CYB561D2: variants seen among roughly 807,000 people sequenced by gnomAD.
CYB561D2 encodes the protein transmembrane reductase CYB561D2.
A neutral mutation model predicts 20.2 loss-of-function variants in CYB561D2; 16 were observed. The ratio of observed to expected loss-of-function variants is 0.79; its 90% confidence interval spans 0.53 to 1.20. The LOEUF (loss-of-function observed/expected upper bound fraction) is 1.20, where lower values mean the gene tolerates loss of function less well. Ranked by LOEUF, CYB561D2 falls within the 50% of genes most tolerant of loss-of-function variation. The pLI, the probability that CYB561D2 is intolerant of heterozygous loss-of-function variation, is 0.00. For missense variants in CYB561D2, 247 were observed against 270.3 expected (o/e 0.91, Z 0.60); for synonymous variants, 135 against 128.3 (o/e 1.05, Z -0.35).
chr3:50,353,746 C>A lies in CYB561D2; in HGVS notation c.*2C>A. 6.3e-7 allele frequency: 1 copy of A among 1,586,084 alleles called. No individual in the cohort carries two copies. The highest frequency in any genetic ancestry group is 1.1e-5 in the South Asian group (1 of 88,550). On this transcript the variant is annotated 3_prime_UTR_variant, in exon 4 of 4. Coordinates refer to ENST00000425346, the MANE Select transcript of CYB561D2 (RefSeq NM_001291284.2). ...TACCGCAAGAGGATCCAACCATGAG[C>A]TCTTCCCAGCCTAGGGGAAGCCTGG...
At chr3:50,352,420 C>T (rs186013642) in intron 3 of CYB561D2, among the ~76,000 whole-genome samples, 1 of 150,156 alleles carries the variant, frequency 6.7e-6, no homozygotes, top group East Asian at 2.0e-4. Flanking sequence ...ACGGAGGTTG[C>T]AGTGAGCCAA....
rs1346535886 is a variant in CYB561D2, at chr3:50,353,725, G to C, written c.650G>C (p.Arg217Pro). 6.2e-7 allele frequency: 1 copy of C among 1,601,860 alleles called. No homozygotes were observed. The highest frequency in any genetic ancestry group is 8.5e-7 in the Non-Finnish European group (1 of 1,172,344). The stretch of plus-strand genomic sequence containing the variant: ...CAGGTGAGCAATGCCTACCTATACC[G>C]CAAGAGGATCCAACCATGAGCTCTT... ...MNQVSNAYLYRKRIQP is the reference protein window; with the variant it reads ...MNQVSNAYLYPKRIQP Residue 217 changes from arginine (R) to proline (P), a missense_variant, in exon 4 of 4, where the codon CGC becomes CCC. Physicochemically the swap from Arg to Pro is moderately radical, Grantham distance 103. Transcript: ENST00000425346.
chr3:50,353,011 C>T (rs993374625), intron 3 of CYB561D2, among the ~76,000 whole-genome samples: 7 of 152,220 alleles, frequency 4.6e-5, no homozygotes, highest in Non-Finnish European at 7.3e-5. Flanking sequence ...CGACAGATGA[C>T]ATTTCAGACT....
At chr3:50,351,383 C>A in intron 1 of CYB561D2, 26 bp from the exon 2 acceptor site, 12 of 1,592,758 alleles carry the variant, frequency 7.5e-6, no homozygotes, top group Non-Finnish European at 1.0e-5. Context: ...CACCTGAGAT[C>A]CTGGCCCACG....
At position 50,351,436 on chromosome 3, in the gene CYB561D2, G is replaced by GGC. The variant is rs765010307; in HGVS notation, c.4_5dup (p.Leu3ProfsTer58). On this transcript the variant is annotated frameshift_variant, in exon 2 of 4. Coordinates refer to ENST00000425346, the MANE Select transcript of CYB561D2 (RefSeq NM_001291284.2). LOFTEE classifies it high-confidence loss of function. Reference sequence around the variant, plus strand: ...TACAACCACTAGCACGGCTGACGATGGCCCTTTCTGCGGAGACCGAGTCAC... The same window carrying GGC: ...TACAACCACTAGCACGGCTGACGATGGCGCCCTTTCTGCGGAGACCGAGTCAC... 4.3e-6 allele frequency: 7 copies of GGC among 1,613,368 alleles called. No homozygotes were observed. The South Asian group carries it at 7.7e-5, about 18-fold the overall frequency.
chr3:50,353,749 T>C lies in CYB561D2; in HGVS notation c.*5T>C. ...CGCAAGAGGATCCAACCATGAGCTCTTCCCAGCCTAGGGGAAGCCTGGATT... is the reference window on the plus strand; with the variant it reads ...CGCAAGAGGATCCAACCATGAGCTCCTCCCAGCCTAGGGGAAGCCTGGATT... On this transcript the variant is annotated 3_prime_UTR_variant, in exon 4 of 4. Transcript: ENST00000425346. The C allele has an allele frequency of 6.3e-7, 1 of 1,582,014 alleles. No homozygotes were observed.
rs1437184161 is a variant in CYB561D2, at chr3:50,350,911, C to A, written c.-99C>A. 21 of 1,391,364 alleles carry A rather than the reference C, an allele frequency of 1.5e-5. No individual in the cohort carries two copies. Among genetic ancestry groups the A allele is most frequent in the Admixed American group, 3.5e-5 (1 of 28,892 alleles). The allele number at this position is 1,391,364 out of a possible 1,614,324, so 86.2% of individuals were successfully genotyped here. On this transcript the variant is annotated 5_prime_UTR_variant, in exon 1 of 4. Coordinates refer to ENST00000425346, the MANE Select transcript of CYB561D2 (RefSeq NM_001291284.2). This position sits in a 1 kb window ranked among gnomAD's most constrained non-coding sequence, Gnocchi z 5.7. ...GGCTCCGTGACGGAGCGGCGGTGCG[C>A]GCGGCAGGGCCCGGAGTATCCCGCT...
intron 2 of CYB561D2, 21 bp downstream of exon 2, chr3:50,351,581 A>G: frequency 6.2e-7 from 1 of 1,603,228 alleles, no homozygotes; most frequent in Non-Finnish European, 8.5e-7. Context: ...TTCATAGCTG[A>G]CTTCTGGGAA....
intron 1 of CYB561D2, 42 bp from the exon 2 acceptor site, chr3:50,351,367 A>T: frequency 2.5e-6 from 4 of 1,579,306 alleles, no homozygotes; most frequent in Non-Finnish European, 3.5e-6. Context: ...AGGAGTGAAC[A>T]GTGGGCACCT....
intron 3 of CYB561D2, 28 bp downstream of exon 3, chr3:50,352,074 G>A: frequency 6.2e-7 from 1 of 1,613,720 alleles, no homozygotes; most frequent in African/African-American, 1.3e-5. Context: ...GCAGTTCTTA[G>A]GGGTGGGAGC....
chr3:50,351,954 G>A, intron 2 of CYB561D2, 55 bp from the exon 3 acceptor site: 2 of 1,603,934 alleles, frequency 1.2e-6, no homozygotes, highest in Non-Finnish European at 1.7e-6. Flanking sequence ...TTAAGGATTG[G>A]TATGGCTGGT....
chr3:50,351,951 T>A, intron 2 of CYB561D2, 58 bp from the exon 3 acceptor site: 1 of 1,601,140 alleles, frequency 6.2e-7, no homozygotes, highest in Non-Finnish European at 8.6e-7. Context: ...CCCTTAAGGA[T>A]TGGTATGGCT....
Position 50,353,499 on chromosome 3 carries a change from C to T in CYB561D2, c.424C>T (p.Leu142Phe). 6.2e-7 allele frequency: 1 copy of T among 1,613,474 alleles called. No homozygotes were observed. Among genetic ancestry groups the T allele is most frequent in the Non-Finnish European group, 8.5e-7 (1 of 1,180,028 alleles). The change falls in exon 4 of 4, where the codon CTC becomes TTC. Residue 142 changes from leucine (L) to phenylalanine (F), a missense_variant. Coordinates refer to ENST00000425346, the MANE Select transcript of CYB561D2 (RefSeq NM_001291284.2). ...GCAGTGCTCAGGTGGGGTGGGGCTGCTCTACCCCAAGCTGCTGCCCCGATG... is the reference window on the plus strand; with the variant it reads ...GCAGTGCTCAGGTGGGGTGGGGCTGTTCTACCCCAAGCTGCTGCCCCGATG... ...GLQCSGGVGL[L>F]YPKLLPRWPL...
In CYB561D2 at chr3:50,353,263, C is replaced by T; in HGVS notation, c.188C>T (p.Ala63Val). ...CAGTTCTCCTTCCTGATGACCGAGG[C>T]ACTACTGGTGTTTTCTCCTGAGAGT... ...SLAFSFLMTE[A>V]LLVFSPESSL... The change falls in exon 4 of 4, where the codon GCA (alanine) becomes GTA (valine). Residue 63 changes from alanine (A) to valine (V), a missense_variant. By Grantham distance (64) the Ala-to-Val change is moderately conservative (BLOSUM62 0). Transcript: ENST00000425346. The T allele has an allele frequency of 1.9e-6, 3 of 1,573,858 alleles. No individual in the cohort carries two copies. The highest frequency in any genetic ancestry group is 2.6e-6 in the Non-Finnish European group (3 of 1,153,370).
Position 50,353,785 on chromosome 3 carries a change from TG to T in CYB561D2, c.*42del. On this transcript the variant is annotated 3_prime_UTR_variant, in exon 4 of 4. Transcript: ENST00000425346. The stretch of plus-strand genomic sequence containing the variant: ...GGGGAAGCCTGGATTTGCCCCTCCA[TG>T]TAGGAGCTGGGCCTAGGGACCTGTT... 2 of 1,550,098 alleles carry T rather than the reference TG, an allele frequency of 1.3e-6. No individual in the cohort carries two copies. The highest frequency in any genetic ancestry group is 4.5e-5 in the East Asian group (2 of 44,156).
At chr3:50,351,658 G>C in intron 2 of CYB561D2, 98 bp downstream of exon 2, 1 of 1,508,518 alleles carries the variant, frequency 6.6e-7, no homozygotes, top group Non-Finnish European at 8.9e-7. Context: ...GGCTGGTTGA[G>C]GGAATTCTGT....
rs772002927 is a variant in CYB561D2, at chr3:50,352,013, G to T, written c.132G>T (p.Leu44=). 2 of 1,613,974 alleles carry T rather than the reference G, an allele frequency of 1.2e-6. No homozygotes were observed. The highest frequency in any genetic ancestry group is 1.7e-6 in the Non-Finnish European group (2 of 1,179,962). ...VAVLARPGSS[L]FSWHPVLMSL... Reference sequence around the variant, plus strand: ...GGCCTCCTCTTCTCATTCCAGGCCTGTTCTCCTGGCACCCGGTGCTTATGT... The same window carrying T: ...GGCCTCCTCTTCTCATTCCAGGCCTTTTCTCCTGGCACCCGGTGCTTATGT... Residue 44 remains leucine, a synonymous_variant, in exon 3 of 4, where the codon CTG becomes CTT. Coordinates refer to ENST00000425346, the MANE Select transcript of CYB561D2 (RefSeq NM_001291284.2).
At chr3:50,351,229 G>A (rs931384355) in intron 1 of CYB561D2, 180 bp from the exon 2 acceptor site, 202 of 669,050 alleles carry the variant, frequency 3.0e-4, no homozygotes, top group African/African-American at 1.3e-4. Context: ...ATGGGTACAC[G>A]TTGACAGGCC....
Position 50,353,565 on chromosome 3 carries a change from C to T in CYB561D2, c.490C>T (p.Leu164=). The change falls in exon 4 of 4, where the codon CTG becomes TTG. Residue 164 remains leucine (L), a synonymous_variant. Transcript: ENST00000425346. ...KLKLYHATSG[L]VGYLLGSASL... ...CAAGCTATACCATGCTACTTCTGGG[C>T]TGGTGGGCTACCTGCTGGGTAGTGC... The T allele has an allele frequency of 1.2e-6, 2 of 1,613,804 alleles. No individual in the cohort carries two copies. Among genetic ancestry groups the T allele is most frequent in the Non-Finnish European group, 1.7e-6 (2 of 1,180,044 alleles).
Sources: gnomAD v4.1 joint callset for allele counts (sites outside exome capture counted in the v4.1 genomes callset) on GRCh38, gnomAD v4.1.1 for gene constraint, Gnocchi (gnomAD v3.1) non-coding constraint, MANE v1.5 for transcripts, NCBI Gene and HGNC (gene_info 2026-07-23, HGNC 2026-07-21) for gene names.